Variants in ST6GALNAC3 observed in about 807,000 individuals in gnomAD.
The protein encoded by ST6GALNAC3 is alpha-N-acetylgalactosaminide alpha-2,6-sialyltransferase 3.
ST6GALNAC3 carries 25 observed loss-of-function variants against 32.7 expected under a neutral mutation model. The ratio of observed to expected loss-of-function variants is 0.76; its 90% CI spans 0.56 to 1.07. ST6GALNAC3 has a LOEUF of 1.07. ST6GALNAC3 is among the 50% of genes least tolerant of loss of function. The pLI, the probability that ST6GALNAC3 is intolerant of heterozygous loss-of-function variation, is 0.00. For synonymous variants in ST6GALNAC3, 129 were observed against 133.1 expected (o/e 0.97, Z 0.21); for missense variants, 355 against 382.4 (o/e 0.93, Z 0.60).
intron 1 of ST6GALNAC3, among the ~76,000 whole-genome samples, chr1:76,090,606 C>A (rs186914834): frequency 6.6e-6 from 1 of 152,182 alleles, no homozygotes; most frequent in Non-Finnish European, 1.5e-5. Flanking sequence ...GAATATATTA[C>A]GATCTTTGAA....
At chr1:76,578,618 A>T (rs1306589080) in intron 3 of ST6GALNAC3, among the ~76,000 whole-genome samples, 2 of 151,980 alleles carry the variant, frequency 1.3e-5, no homozygotes, top group Non-Finnish European at 2.9e-5. Flanking sequence ...AGTCGAGTGC[A>T]TTTTCTCCAG....
At chr1:76,282,590 A>G (rs1406481156) in intron 1 of ST6GALNAC3, among the ~76,000 whole-genome samples, 1 of 152,186 alleles carries the variant, frequency 6.6e-6, no homozygotes, top group Non-Finnish European at 1.5e-5. Flanking sequence ...AAATGGCACC[A>G]GTTACTGTTT....
At chr1:76,585,754 T>C (rs1273468076) in intron 3 of ST6GALNAC3, among the ~76,000 whole-genome samples, 4 of 152,208 alleles carry the variant, frequency 2.6e-5, no homozygotes, top group Non-Finnish European at 5.9e-5. Context: ...TCCTTAGAAA[T>C]ACATAGCTCT....
At chr1:76,459,468 G>A (rs147817975) in intron 3 of ST6GALNAC3, among the ~76,000 whole-genome samples, 4,285 of 152,062 alleles carry the variant, frequency 0.028, 78 homozygotes, top group Non-Finnish European at 0.04. Flanking sequence ...GGAGGCTGAG[G>A]TAGGAGAATG....
intron 1 of ST6GALNAC3, among the ~76,000 whole-genome samples, chr1:76,097,054 G>A (rs1647146155): frequency 6.6e-6 from 1 of 152,040 alleles, no homozygotes; most frequent in Non-Finnish European, 1.5e-5. Flanking sequence ...AAGTAGCTAG[G>A]ACTACAGGCA....
chr1:76,361,332 G>GT (rs1649917769), intron 2 of ST6GALNAC3, among the ~76,000 whole-genome samples: 1 of 151,802 alleles, frequency 6.6e-6, no homozygotes, highest in Non-Finnish European at 1.5e-5. Context: ...TGCAGTACTG[G>GT]TTTTTTTGGT....
At chr1:76,609,550 T>C (rs1377596089) in intron 3 of ST6GALNAC3, among the ~76,000 whole-genome samples, 1 of 152,186 alleles carries the variant, frequency 6.6e-6, no homozygotes, top group Non-Finnish European at 1.5e-5. Context: ...TAATTTAATA[T>C]AGGGTCTATT....
intron 1 of ST6GALNAC3, among the ~76,000 whole-genome samples, chr1:76,240,559 C>A (rs1221285828): frequency 2.0e-5 from 3 of 152,136 alleles, no homozygotes; most frequent in African/African-American, 7.2e-5. Flanking sequence ...CAGTCTTGGC[C>A]ATTAACTTCC....
At chr1:76,424,187 C>G (rs1452840072) in intron 3 of ST6GALNAC3, among the ~76,000 whole-genome samples, 1 of 151,864 alleles carries the variant, frequency 6.6e-6, no homozygotes, top group African/African-American at 2.4e-5. Context: ...TTCACTTTTG[C>G]TTCATAGTGA....
chr1:76,356,885 G>A (rs1477435261), intron 2 of ST6GALNAC3, among the ~76,000 whole-genome samples: 2 of 152,010 alleles, frequency 1.3e-5, no homozygotes, highest in Non-Finnish European at 2.9e-5. Context: ...ACCGTATTGC[G>A]GTCTAAACAT....
chr1:76,427,609 C>T (rs752980148), intron 3 of ST6GALNAC3, among the ~76,000 whole-genome samples: 17 of 152,062 alleles, frequency 1.1e-4, no homozygotes, highest in Non-Finnish European at 2.4e-4. Flanking sequence ...GACACTGGTC[C>T]ATATTAAAAT....
intron 1 of ST6GALNAC3, among the ~76,000 whole-genome samples, chr1:76,225,464 G>C (rs1406529770): frequency 6.6e-6 from 1 of 152,116 alleles, no homozygotes; most frequent in African/African-American, 2.4e-5. Context: ...AGAGCTGTGA[G>C]GGACATGAGG....
At chr1:76,135,780 GT>G (rs141306901) in intron 1 of ST6GALNAC3, among the ~76,000 whole-genome samples, 2,469 of 152,284 alleles carry the variant, frequency 0.016, 75 homozygotes, top group African/African-American at 0.056. Context: ...AGGTAGAAAG[GT>G]GATTATTTCC....
chr1:76,119,804 T>A (rs79629159), intron 1 of ST6GALNAC3, among the ~76,000 whole-genome samples: 148,579 of 151,828 alleles, frequency 0.98, 72,779 homozygotes, highest in East Asian at 1. Flanking sequence ...TAGATGATGA[T>A]AATAGATATA....
At chr1:76,322,085 G>A (rs957632262) in intron 2 of ST6GALNAC3, among the ~76,000 whole-genome samples, 1 of 152,080 alleles carries the variant, frequency 6.6e-6, no homozygotes, top group African/African-American at 2.4e-5. Flanking sequence ...CACTTGAAAG[G>A]GGCCTATTAG....
At chr1:76,589,312 C>T (rs1570380779) in intron 3 of ST6GALNAC3, among the ~76,000 whole-genome samples, 1 of 152,054 alleles carries the variant, frequency 6.6e-6, no homozygotes, top group East Asian at 1.9e-4. Flanking sequence ...AAATCATGCA[C>T]TTTCCCAGGT....
rs556737768 is a variant in ST6GALNAC3 at position 76,113,528 on chromosome 1, GT to G, written c.18+38655del. Among the ~76,000 whole-genome samples, 890 of 146,530 alleles carry G rather than the reference GT, an allele frequency of 6.1e-3. 10 individuals are homozygous for G. Among genetic ancestry groups the G allele is most frequent in the African/African-American group, 0.02 (825 of 40,270 alleles). ...TTTTTTTGGTTTATTTTGTTTTTCT[GT>G]TTTTTTTTTTCCAAGATGGACACTC... On this transcript the variant is annotated intron_variant, in intron 1 of 4. Transcript: ENST00000328299.
At chr1:76,302,316 A>T (rs1358790455) in intron 1 of ST6GALNAC3, among the ~76,000 whole-genome samples, 1 of 152,034 alleles carries the variant, frequency 6.6e-6, no homozygotes, top group African/African-American at 2.4e-5. Context: ...TCGCACTGTC[A>T]GTATGAACTT....
intron 2 of ST6GALNAC3, among the ~76,000 whole-genome samples, chr1:76,325,792 A>AATAT (rs146320172): frequency 1.3e-4 from 19 of 147,828 alleles, no homozygotes; most frequent in African/African-American, 4.2e-4. Flanking sequence ...CATACACACA[A>AATAT]ATATATATAT....
Sources: allele counts gnomAD v4.1 joint callset (sites outside exome capture counted in the v4.1 genomes callset), GRCh38; gene constraint gnomAD v4.1.1; transcripts MANE v1.5; gene names NCBI Gene and HGNC (gene_info 2026-07-23, HGNC 2026-07-21).